Variants in MECOM observed in about 807,000 individuals in gnomAD.
The protein encoded by MECOM is MDS1 and EVI1 complex locus, also known as histone-lysine N-methyltransferase MECOM.
In MECOM, 13 loss-of-function variants were observed where a neutral mutation model predicts 116.3. The ratio of observed to expected loss-of-function variants is 0.11; its 90% CI spans 0.07 to 0.18. The LOEUF is 0.18. Ranked by LOEUF, MECOM falls within the 10% of genes least tolerant of loss-of-function variation. The pLI, the probability that MECOM is intolerant of heterozygous loss-of-function variation, is 1.00. For synonymous variants in MECOM, 528 were observed against 535.2 expected, an observed-to-expected ratio of 0.99 and a Z score of 0.19; for missense variants, 1,299 against 1,509.0, an observed-to-expected ratio of 0.86 and a Z score of 2.31.
chr3:169,654,675 G>A (rs1254182527), intron 1 of MECOM, among the ~76,000 whole-genome samples: 1 of 152,136 alleles, frequency 6.6e-6, no homozygotes, highest in Non-Finnish European at 1.5e-5. Context: ...GGGAGGGAAT[G>A]CTTCAGTTTA....
At chr3:169,303,669 G>A (rs1717181637) in intron 2 of MECOM, among the ~76,000 whole-genome samples, 2 of 152,110 alleles carry the variant, frequency 1.3e-5, no homozygotes, top group Admixed American at 1.3e-4. Context: ...TCCTGATTTT[G>A]TCTAACCCTT....
intron 2 of MECOM, among the ~76,000 whole-genome samples, chr3:169,208,263 ATG>A (rs1389701860): frequency 1.3e-5 from 2 of 148,610 alleles, no homozygotes; most frequent in Non-Finnish European, 3.0e-5. Flanking sequence ...ACAATATATA[ATG>A]TATATATACA....
intron 1 of MECOM, among the ~76,000 whole-genome samples, chr3:169,386,420 A>G (rs1192180464): frequency 6.6e-6 from 1 of 152,130 alleles, no homozygotes; most frequent in African/African-American, 2.4e-5. Context: ...TTTAACTCTT[A>G]GGCAACTTGT....
rs554558630 is a variant in MECOM, at chr3:169,131,693, T to C, written c.511-162A>G. On this transcript the variant is annotated intron_variant, in intron 3 of 16. Coordinates refer to ENST00000651503, the MANE Select transcript of MECOM (RefSeq NM_004991.4). ...GAAGTGTGATTTCCTGTTTTATATATTGAAAACCAGCCCTCTGGTGACAAA... is the reference window on the plus strand; with the variant it reads ...GAAGTGTGATTTCCTGTTTTATATACTGAAAACCAGCCCTCTGGTGACAAA... 3.4e-5 allele frequency: 23 copies of C among 681,034 alleles called. No individual in the cohort carries two copies. The African/African-American group carries it at 3.8e-4, about 11-fold the overall frequency. The allele number at this position is 681,034 out of a possible 1,614,324, so 42.2% of individuals were successfully genotyped here. A position where few individuals can be genotyped will look rare whatever the true frequency, so the allele number is the denominator to read the frequency against.
At chr3:169,268,018 T>C (rs902222043) in intron 2 of MECOM, among the ~76,000 whole-genome samples, 2 of 152,094 alleles carry the variant, frequency 1.3e-5, no homozygotes, top group Non-Finnish European at 2.9e-5. Flanking sequence ...CACAACCAAT[T>C]AGTTATTACG....
At chr3:169,240,938 T>C (rs537647610) in intron 2 of MECOM, among the ~76,000 whole-genome samples, 1 of 152,124 alleles carries the variant, frequency 6.6e-6, no homozygotes, top group Non-Finnish European at 1.5e-5. Context: ...TAATGCCCTC[T>C]CCGTGTGGAC....
intron 5 of MECOM, among the ~76,000 whole-genome samples, chr3:169,125,205 C>T (rs1335252017): frequency 2.0e-5 from 3 of 152,012 alleles, no homozygotes; most frequent in Non-Finnish European, 4.4e-5. Flanking sequence ...CTAACTTTAT[C>T]TACGATATGT....
At chr3:169,559,067 C>CAA (rs1331076265) in intron 1 of MECOM, among the ~76,000 whole-genome samples, 1 of 151,782 alleles carries the variant, frequency 6.6e-6, no homozygotes, top group Non-Finnish European at 1.5e-5. Context: ...CACACACACA[C>CAA]AAGTATGCAT....
Position 169,432,951 on chromosome 3 carries a change from C to T in MECOM, c.38-51427G>A, listed in dbSNP as rs914724373. ...TGTTTACTATGTGATTAGAACTTCTCTGGGCAAAAAGCTCATATTTGATTT... is the reference window on the plus strand; with the variant it reads ...TGTTTACTATGTGATTAGAACTTCTTTGGGCAAAAAGCTCATATTTGATTT... On this transcript the variant is annotated intron_variant, in intron 1 of 16. Transcript: ENST00000651503. Among the ~76,000 whole-genome samples the T allele has an allele frequency of 4.6e-5, 7 of 152,318 alleles. No homozygotes were observed. The East Asian group carries it at 1.3e-3, about 29-fold the overall frequency.
At chr3:169,149,033 A>G (rs942504320) in intron 2 of MECOM, among the ~76,000 whole-genome samples, 1 of 149,390 alleles carries the variant, frequency 6.7e-6, no homozygotes, top group Non-Finnish European at 1.5e-5. Context: ...GTTCGTGGCC[A>G]TTGATTTCCT....
intron 2 of MECOM, among the ~76,000 whole-genome samples, chr3:169,222,843 A>G (rs374217161): frequency 6.6e-6 from 1 of 152,244 alleles, no homozygotes; most frequent in Non-Finnish European, 1.5e-5. Flanking sequence ...AGATCAAATT[A>G]TCATTTTCAT....
chr3:169,465,667 G>T (rs142255044), intron 1 of MECOM, among the ~76,000 whole-genome samples: 1 of 152,066 alleles, frequency 6.6e-6, no homozygotes, highest in African/African-American at 2.4e-5. Context: ...TGAACACTTG[G>T]TGTAGATTAA....
intron 1 of MECOM, among the ~76,000 whole-genome samples, chr3:169,560,082 G>A (rs1212124867): frequency 6.6e-6 from 1 of 152,070 alleles, no homozygotes; most frequent in East Asian, 1.9e-4. Flanking sequence ...CCAATGCTCA[G>A]GGCAGCATTT....
At chr3:169,643,490 C>T (rs1219189236) in intron 1 of MECOM, among the ~76,000 whole-genome samples, 6 of 152,198 alleles carry the variant, frequency 3.9e-5, no homozygotes, top group Non-Finnish European at 7.3e-5. Context: ...GTATCCCACC[C>T]TACCACTCCC....
At chr3:169,645,578 C>T (rs1465442195) in intron 1 of MECOM, among the ~76,000 whole-genome samples, 1 of 152,204 alleles carries the variant, frequency 6.6e-6, no homozygotes, top group African/African-American at 2.4e-5. Flanking sequence ...GGATTCTCCA[C>T]AAACATCCAC....
At chr3:169,261,434 C>A (rs913561117) in intron 2 of MECOM, among the ~76,000 whole-genome samples, 1 of 152,112 alleles carries the variant, frequency 6.6e-6, no homozygotes, top group Admixed American at 6.5e-5. Context: ...CACAGTGGCT[C>A]ATGCCTGTAA....
intron 2 of MECOM, among the ~76,000 whole-genome samples, chr3:169,369,551 T>A (rs911783270): frequency 6.6e-6 from 1 of 151,786 alleles, no homozygotes; most frequent in Non-Finnish European, 1.5e-5. Flanking sequence ...GGTCTCACTA[T>A]GTTGCCCAGG....
intron 2 of MECOM, among the ~76,000 whole-genome samples, chr3:169,314,199 C>T (rs16853483): frequency 0.19 from 29,136 of 152,196 alleles, 4,323 homozygotes; most frequent in East Asian, 0.45. Flanking sequence ...TCCACAATTA[C>T]TTCACTGACC....
chr3:169,461,555 C>G (rs766641181), intron 1 of MECOM, among the ~76,000 whole-genome samples: 98 of 152,080 alleles, frequency 6.4e-4, no homozygotes, highest in Non-Finnish European at 6.9e-4. Context: ...ATGAAAGACC[C>G]AGGCTTCTTG....
Sources: allele counts gnomAD v4.1 joint callset (sites outside exome capture counted in the v4.1 genomes callset), GRCh38; gene constraint gnomAD v4.1.1; transcripts MANE v1.5; gene names NCBI Gene and HGNC (gene_info 2026-07-23, HGNC 2026-07-21).